Variants in NAALAD2 observed in about 807,000 individuals in gnomAD.
The protein encoded by NAALAD2 is N-acetylated-alpha-linked acidic dipeptidase 2.
NAALAD2 carries 89 observed loss-of-function variants against 95.6 expected under a neutral mutation model. The observed-to-expected ratio is 0.93, with a 90% CI of 0.78 to 1.11. NAALAD2 has a LOEUF of 1.11. Among genes scored for constraint, NAALAD2 ranks in the 50% least tolerant of loss-of-function variants. The probability of loss-of-function intolerance (pLI) is 0.00; values close to 1 mark genes in which losing one functional copy is unlikely to be tolerated. For synonymous variants in NAALAD2, 264 were observed against 294.4 expected (o/e 0.90, Z 1.06); for missense variants, 894 against 872.4 (o/e 1.02, Z -0.31).
At chr11:90,176,320 A>G (rs899604671) in intron 15 of NAALAD2, among the ~76,000 whole-genome samples, 1 of 152,198 alleles carries the variant, frequency 6.6e-6, no homozygotes, top group African/African-American at 2.4e-5. Context: ...GTTAATCAGT[A>G]CTAAGTAGTT....
chr11:90,186,589 T>G (rs925549958), intron 18 of NAALAD2, among the ~76,000 whole-genome samples: 2 of 151,988 alleles, frequency 1.3e-5, no homozygotes, highest in African/African-American at 4.8e-5. Context: ...GATTCCCTAT[T>G]TAATAAATGG....
intron 11 of NAALAD2, among the ~76,000 whole-genome samples, chr11:90,167,221 G>C (rs957321169): frequency 6.6e-6 from 1 of 152,154 alleles, no homozygotes; most frequent in African/African-American, 2.4e-5. Flanking sequence ...GGGGCTGCGC[G>C]GGCGCTTGCG....
chr11:90,155,631 A>C (rs1313209545), intron 6 of NAALAD2, among the ~76,000 whole-genome samples: 1 of 39,000 alleles, frequency 2.6e-5, no homozygotes, highest in East Asian at 7.1e-4. Context: ...CATATATATT[A>C]ATATATATAT....
intron 15 of NAALAD2, 54 bp downstream of exon 15, chr11:90,176,116 G>A (rs540294742): frequency 2.7e-4 from 370 of 1,391,926 alleles, no homozygotes; most frequent in African/African-American, 2.1e-3. Flanking sequence ...GTCCTTTGGC[G>A]AAGAATGTCA....
At chr11:90,146,028 A>G (rs898529583) in intron 2 of NAALAD2, among the ~76,000 whole-genome samples, 1 of 152,242 alleles carries the variant, frequency 6.6e-6, no homozygotes, top group African/African-American at 2.4e-5. Flanking sequence ...AAATATCACT[A>G]TTTCTCAGGA....
chr11:90,133,388 G>A (rs1286324284), upstream of NAALAD2, among the ~76,000 whole-genome samples: 2 of 152,160 alleles, frequency 1.3e-5, no homozygotes, highest in African/African-American at 2.4e-5. Flanking sequence ...GTAGCATGGT[G>A]AGGACAGGGG....
At chr11:90,156,185 G>C (rs1468211433) in intron 6 of NAALAD2, among the ~76,000 whole-genome samples, 1 of 151,560 alleles carries the variant, frequency 6.6e-6, no homozygotes, top group Non-Finnish European at 1.5e-5. Flanking sequence ...AACTAGCTTT[G>C]GGTTTCATTG....
At chr11:90,150,326 T>C (rs772368854) in intron 4 of NAALAD2, among the ~76,000 whole-genome samples, 156 bp from the exon 5 acceptor site, 2 of 152,120 alleles carry the variant, frequency 1.3e-5, no homozygotes. Context: ...AAAGATTCTC[T>C]AATGAATTCT....
intron 11 of NAALAD2, among the ~76,000 whole-genome samples, chr11:90,167,800 G>T (rs1357022343): frequency 6.6e-6 from 1 of 152,126 alleles, no homozygotes; most frequent in Non-Finnish European, 1.5e-5. Context: ...GAACTTTTGT[G>T]TGTAGCTCAG....
chr11:90,153,526 T>C (rs1183674899), intron 6 of NAALAD2, among the ~76,000 whole-genome samples: 2 of 152,042 alleles, frequency 1.3e-5, no homozygotes, highest in Non-Finnish European at 1.5e-5. Context: ...TTTCAAAACG[T>C]TTTGTCTAAT....
intron 16 of NAALAD2, among the ~76,000 whole-genome samples, chr11:90,180,082 AATG>A (rs1286902874): frequency 3.9e-5 from 6 of 151,950 alleles, no homozygotes; most frequent in Non-Finnish European, 1.5e-5. Context: ...TGAATGAATG[AATG>A]AATGAATGAA....
chr11:90,132,450 G>A (rs1219585015), upstream of NAALAD2, among the ~76,000 whole-genome samples: 1 of 152,062 alleles, frequency 6.6e-6, no homozygotes, highest in East Asian at 1.9e-4. Context: ...TGCCTCTTGA[G>A]GGCTATGTAG....
Position 90,158,150 on chromosome 11 carries a change from A to T in NAALAD2, c.802A>T (p.Thr268Ser). 1.2e-6 allele frequency: 2 copies of T among 1,601,810 alleles called. No individual in the cohort carries two copies. The highest frequency in any genetic ancestry group is 1.7e-6 in the Non-Finnish European group (2 of 1,172,272). The change falls in exon 7 of 19, where the codon ACT (threonine) becomes TCT (serine). Residue 268 changes from threonine (T) to serine (S), a missense_variant. Transcript: ENST00000534061. ...LTPGYPAKEY[T>S]FRLDVEEGVG... ...TATGCATTTGATTTTTTTAGAATAC[A>T]CTTTCAGACTTGATGTTGAAGAAGG...
At chr11:90,149,830 G>A (rs913879384) in intron 4 of NAALAD2, among the ~76,000 whole-genome samples, 1 of 152,110 alleles carries the variant, frequency 6.6e-6, no homozygotes, top group Non-Finnish European at 1.5e-5. Flanking sequence ...ATACCATAGA[G>A]GTTCTTAAAT....
chr11:90,154,995 G>GTATA (rs66974303), intron 6 of NAALAD2, among the ~76,000 whole-genome samples: 1 of 52,678 alleles, frequency 1.9e-5, no homozygotes, highest in African/African-American at 9.4e-5. Context: ...TACATAATAT[G>GTATA]TATGTGTGTA....
chr11:90,176,367 C>G (rs1001084651), intron 15 of NAALAD2, among the ~76,000 whole-genome samples: 4 of 152,176 alleles, frequency 2.6e-5, no homozygotes, highest in Admixed American at 1.3e-4. Flanking sequence ...AACTCTCATT[C>G]TCTAGACTAG....
At chr11:90,170,298 C>G (rs1261149570) in intron 13 of NAALAD2, among the ~76,000 whole-genome samples, 162 bp downstream of exon 13, 1 of 152,120 alleles carries the variant, frequency 6.6e-6, no homozygotes, top group East Asian at 1.9e-4. Context: ...ACCTATATGA[C>G]ATAACTAAGA....
upstream of NAALAD2, chr11:90,134,430 G>A (rs1446515780): frequency 1.1e-5 from 3 of 266,898 alleles, no homozygotes; most frequent in African/African-American, 6.6e-5. Context: ...GGATGGGCAT[G>A]GCAAACAGCA....
intron 2 of NAALAD2, among the ~76,000 whole-genome samples, chr11:90,147,125 G>A (rs1951766786): frequency 6.6e-6 from 1 of 152,130 alleles, no homozygotes; most frequent in Non-Finnish European, 1.5e-5. Context: ...TTCTGAGGAA[G>A]CATAATATGA....
Sources: gnomAD v4.1 joint callset for allele counts (sites outside exome capture counted in the v4.1 genomes callset) on GRCh38, gnomAD v4.1.1 for gene constraint, MANE v1.5 for transcripts, NCBI Gene and HGNC (gene_info 2026-07-23, HGNC 2026-07-21) for gene names.